The following ZNF470 variants were observed in gnomAD, a reference collection of about 807,000 sequenced individuals.
ZNF470 encodes zinc finger protein 470.
A neutral mutation model predicts 13.9 loss-of-function variants in ZNF470; 13 were observed. That is an observed-to-expected ratio of 0.94 (90% CI 0.61 to 1.49). The LOEUF is 1.49. Ranked by LOEUF, ZNF470 falls within the 40% of genes most tolerant of loss-of-function variation. ZNF470 has a pLI of 0.00. For missense variants in ZNF470, 929 were observed against 857.3 expected (o/e 1.08, Z -1.04); for synonymous variants, 293 against 282.9 (o/e 1.04, Z -0.36).
intron 3 of ZNF470, 89 bp downstream of exon 3, chr19:56,570,460 A>T (rs2044444105): frequency 1.5e-6 from 2 of 1,325,508 alleles, no homozygotes; most frequent in African/African-American, 1.4e-5. Flanking sequence ...TATTGTGCTT[A>T]AGAGTTCCAC....
chr19:56,579,605 T>C lies in ZNF470; in HGVS notation c.*1022T>C. On this transcript the variant is annotated 3_prime_UTR_variant, in exon 6 of 6. Transcript: ENST00000330619. Reference sequence around the variant, plus strand: ...CAGACAATTCGTGTGGTATTTAAATTGTTCTAGCATAAAATAAAATGCAAT... The same window carrying C: ...CAGACAATTCGTGTGGTATTTAAATCGTTCTAGCATAAAATAAAATGCAAT... The C allele has an allele frequency of 2.0e-6, 2 of 985,442 alleles. No homozygotes were observed. Among genetic ancestry groups the C allele is most frequent in the Non-Finnish European group, 1.2e-6 (1 of 829,932 alleles). The allele number at this position is 985,442 out of a possible 1,614,324, so 61.0% of individuals were successfully genotyped here. A position where few individuals can be genotyped will look rare whatever the true frequency, so the allele number is the denominator to read the frequency against.
chr19:56,582,309 A>T lies in ZNF470; in HGVS notation c.*3726A>T. On this transcript the variant is annotated 3_prime_UTR_variant, in exon 6 of 6. Coordinates refer to ENST00000330619, the MANE Select transcript of ZNF470 (RefSeq NM_001001668.4). ...GTATCTAACTGCTTGGAATAACTTA[A>T]AGTTTAGCTCTTGAATTTCTAGCAT... 1.0e-6 allele frequency: 1 copy of T among 985,322 alleles called. No individual in the cohort carries two copies. The highest frequency in any genetic ancestry group is 1.2e-6 in the Non-Finnish European group (1 of 829,912). The allele number at this position is 985,322 out of a possible 1,614,324, so 61.0% of individuals were successfully genotyped here. A position where few individuals can be genotyped will look rare whatever the true frequency, so the allele number is the denominator to read the frequency against.
Position 56,577,543 on chromosome 19 carries a change from G to A in ZNF470, c.1114G>A (p.Asp372Asn), listed in dbSNP as rs759989506. Residue 372 changes from aspartate (D) to asparagine (N), a missense_variant, in exon 6 of 6, where the codon GAC becomes AAC. By Grantham distance (23) the Asp-to-Asn change is conservative. Coordinates refer to ENST00000330619, the MANE Select transcript of ZNF470 (RefSeq NM_001001668.4). ...HTGKRPYECI[D>N]CGKAFRQNAS... Reference sequence around the variant, plus strand: ...TGGGAAAAGACCTTATGAATGTATTGACTGTGGGAAAGCTTTCAGGCAGAA... The same window carrying A: ...TGGGAAAAGACCTTATGAATGTATTAACTGTGGGAAAGCTTTCAGGCAGAA... 1 of 1,614,046 alleles carries A rather than the reference G, an allele frequency of 6.2e-7. No individual in the cohort carries two copies.
chr19:56,570,928 C>T (rs570811757), intron 3 of ZNF470, among the ~76,000 whole-genome samples: 1 of 152,316 alleles, frequency 6.6e-6, no homozygotes, highest in South Asian at 2.1e-4. Context: ...CACAATATGG[C>T]AAGAGGAAGT....
At chr19:56,572,940 A>C (rs2147982723) in intron 3 of ZNF470, among the ~76,000 whole-genome samples, 1 of 152,312 alleles carries the variant, frequency 6.6e-6, no homozygotes, top group East Asian at 1.9e-4. Flanking sequence ...ATCAGGGTGA[A>C]GGAAGTGCAA....
rs2044540424 is a variant in ZNF470, at chr19:56,582,135, C to T, written c.*3552C>T. 1 of 985,198 alleles carries T rather than the reference C, an allele frequency of 1.0e-6. No individual in the cohort carries two copies. The highest frequency in any genetic ancestry group is 4.7e-5 in the South Asian group (1 of 21,286). 61.0% of individuals were successfully genotyped at this position (985,198 alleles called of 1,614,324 possible). ...AGATGGGGCGAATAAGACTTATATT[C>T]TAGACTGGAAAGCATCTCATGGTGT... On this transcript the variant is annotated 3_prime_UTR_variant, in exon 6 of 6. Coordinates refer to ENST00000330619, the MANE Select transcript of ZNF470 (RefSeq NM_001001668.4).
Position 56,581,702 on chromosome 19 carries a change from A to G in ZNF470, c.*3119A>G. ...AATCAAAATATATATTATAGTAGGC[A>G]TTTGTTTTTCTCTGCCCAGTTTCCC... On this transcript the variant is annotated 3_prime_UTR_variant, in exon 6 of 6. Transcript: ENST00000330619. 1.0e-6 allele frequency: 1 copy of G among 985,026 alleles called. No homozygotes were observed. Among genetic ancestry groups the G allele is most frequent in the South Asian group, 4.7e-5 (1 of 21,278 alleles). 61.0% of individuals were successfully genotyped at this position (985,026 alleles called of 1,614,324 possible). A position where few individuals can be genotyped will look rare whatever the true frequency, so the allele number is the denominator to read the frequency against.
Position 56,581,186 on chromosome 19 carries a change from C to A in ZNF470, c.*2603C>A. On this transcript the variant is annotated 3_prime_UTR_variant, in exon 6 of 6. Transcript: ENST00000330619. ...ATTACAAACCAATAATAATCTGCAA[C>A]TTAGAAAAATGGACTAATGTCCCAT... The A allele has an allele frequency of 2.7e-6, 2 of 731,322 alleles. No homozygotes were observed. Among genetic ancestry groups the A allele is most frequent in the South Asian group, 6.2e-5 (1 of 16,160 alleles). The allele number at this position is 731,322 out of a possible 1,614,324, so 45.3% of individuals were successfully genotyped here. A position where few individuals can be genotyped will look rare whatever the true frequency, so the allele number is the denominator to read the frequency against.
At position 56,581,136 on chromosome 19, in the gene ZNF470, T is replaced by A; in HGVS notation, c.*2553T>A. ...GTTTGCAACAGATATAATAAAGGAC[T>A]GTAATTCGTGATATTCAAAGTACTA... On this transcript the variant is annotated 3_prime_UTR_variant, in exon 6 of 6. Coordinates refer to ENST00000330619, the MANE Select transcript of ZNF470 (RefSeq NM_001001668.4). The A allele has an allele frequency of 2.2e-6, 2 of 899,912 alleles. No homozygotes were observed. Among genetic ancestry groups the A allele is most frequent in the Non-Finnish European group, 2.7e-6 (2 of 752,330 alleles). The allele number at this position is 899,912 out of a possible 1,614,324, so 55.7% of individuals were successfully genotyped here. A position where few individuals can be genotyped will look rare whatever the true frequency, so the allele number is the denominator to read the frequency against.
intron 3 of ZNF470, 152 bp downstream of exon 3, chr19:56,570,523 G>A: frequency 1.4e-6 from 1 of 719,634 alleles, no homozygotes; most frequent in Non-Finnish European, 2.4e-6. Context: ...GGGGTTGTGA[G>A]TGAGGGATAG....
chr19:56,580,821 T>G lies in ZNF470; in HGVS notation c.*2238T>G. The G allele has an allele frequency of 1.0e-6, 1 of 984,306 alleles. No homozygotes were observed. Among genetic ancestry groups the G allele is most frequent in the Non-Finnish European group, 1.2e-6 (1 of 828,958 alleles). The allele number at this position is 984,306 out of a possible 1,614,324, so 61.0% of individuals were successfully genotyped here. ...GTGGAGCTTTCAGACTCTCCTTATA[T>G]ATGATAAAAAGGATTTTTCATTGTA... On this transcript the variant is annotated 3_prime_UTR_variant, in exon 6 of 6. Coordinates refer to ENST00000330619, the MANE Select transcript of ZNF470 (RefSeq NM_001001668.4).
At position 56,578,508 on chromosome 19, in the gene ZNF470, T is replaced by A. The variant is rs1397484427; in HGVS notation, c.2079T>A (p.Ala693=). 11 of 1,605,208 alleles carry A rather than the reference T, an allele frequency of 6.9e-6. No homozygotes were observed. ...CCTTCAGGCAGAGTGTACATCTTGC[T>A]CATCATCAGCGAATTCATACCGGAG... The part of the protein sequence containing the change: ...GKAFRQSVHL[A]HHQRIHTGES... The change falls in exon 6 of 6, where the codon GCT becomes GCA. Residue 693 remains alanine, a synonymous_variant. Transcript: ENST00000330619.
chr19:56,580,874 G>A lies in ZNF470; in HGVS notation c.*2291G>A, dbSNP rs1421769746. ...GGGGAAAAGGTGGTTTGATCAAATGGCATTGGGAAACTTAGCTCACTGGAA... is the reference window on the plus strand; with the variant it reads ...GGGGAAAAGGTGGTTTGATCAAATGACATTGGGAAACTTAGCTCACTGGAA... On this transcript the variant is annotated 3_prime_UTR_variant, in exon 6 of 6. Coordinates refer to ENST00000330619, the MANE Select transcript of ZNF470 (RefSeq NM_001001668.4). 2.9e-5 allele frequency: 29 copies of A among 985,296 alleles called. No homozygotes were observed. The highest frequency in any genetic ancestry group is 3.5e-5 in the Non-Finnish European group (29 of 829,852). 61.0% of individuals were successfully genotyped at this position (985,296 alleles called of 1,614,324 possible). A position where few individuals can be genotyped will look rare whatever the true frequency, so the allele number is the denominator to read the frequency against.
In ZNF470 at chr19:56,581,606, G is replaced by A; in HGVS notation, c.*3023G>A. 1.2e-6 allele frequency: 1 copy of A among 833,490 alleles called. No homozygotes were observed. Among genetic ancestry groups the A allele is most frequent in the Non-Finnish European group, 1.4e-6 (1 of 691,556 alleles). The allele number at this position is 833,490 out of a possible 1,614,324, so 51.6% of individuals were successfully genotyped here. On this transcript the variant is annotated 3_prime_UTR_variant, in exon 6 of 6. Coordinates refer to ENST00000330619, the MANE Select transcript of ZNF470 (RefSeq NM_001001668.4). ...TGTGTGTAGTCATAGAAAGATAGCT[G>A]TGCTATACTAAATGAAAAATTGCAG...
In ZNF470 at chr19:56,582,216, A is replaced by C; in HGVS notation, c.*3633A>C. ...AGTCACCTGGGATGAATAGAGGTCT[A>C]GGGTTCTGGATAATGATAATTTAAG... On this transcript the variant is annotated 3_prime_UTR_variant, in exon 6 of 6. Transcript: ENST00000330619. The C allele has an allele frequency of 3.0e-6, 3 of 985,404 alleles. No individual in the cohort carries two copies. Among genetic ancestry groups the C allele is most frequent in the African/African-American group, 1.7e-5 (1 of 57,350 alleles). 61.0% of individuals were successfully genotyped at this position (985,404 alleles called of 1,614,324 possible). A position where few individuals can be genotyped will look rare whatever the true frequency, so the allele number is the denominator to read the frequency against.
intron 3 of ZNF470, among the ~76,000 whole-genome samples, chr19:56,572,385 T>TACAC (rs1568493953): frequency 2.4e-5 from 2 of 83,788 alleles, no homozygotes; most frequent in Admixed American, 1.4e-4. Flanking sequence ...TATATATATA[T>TACAC]ATATAAATTA....
chr19:56,569,851 A>G (rs2044437972), intron 2 of ZNF470, among the ~76,000 whole-genome samples: 1 of 152,098 alleles, frequency 6.6e-6, no homozygotes, highest in Admixed American at 6.5e-5. Context: ...CTAGCTGGGC[A>G]TGGTGGCACA....
chr19:56,579,686 T>C lies in ZNF470; in HGVS notation c.*1103T>C, dbSNP rs2044521088. On this transcript the variant is annotated 3_prime_UTR_variant, in exon 6 of 6. Transcript: ENST00000330619. ...CAAGACATGCCAAAACATAAAAATA[T>C]GTACACTGCAATTAGTTTCTGAATG... 9.1e-6 allele frequency: 9 copies of C among 985,338 alleles called. No homozygotes were observed. The highest frequency in any genetic ancestry group is 1.1e-5 in the Non-Finnish European group (9 of 829,824). 61.0% of individuals were successfully genotyped at this position (985,338 alleles called of 1,614,324 possible).
At chr19:56,569,990 G>GA (rs373876624) in intron 2 of ZNF470, among the ~76,000 whole-genome samples, 9 of 86,338 alleles carry the variant, frequency 1.0e-4, no homozygotes, top group Non-Finnish European at 1.3e-4. Context: ...CCCTGTCTTA[G>GA]AAAAAAAAAA....
Sources: gnomAD v4.1 joint callset for allele counts (sites outside exome capture counted in the v4.1 genomes callset) on GRCh38, gnomAD v4.1.1 for gene constraint, MANE v1.5 for transcripts, NCBI Gene and HGNC (gene_info 2026-07-23, HGNC 2026-07-21) for gene names.